DAB1: variants seen among roughly 807,000 people sequenced by gnomAD.
The protein encoded by DAB1 is disabled homolog 1.
DAB1 carries 15 observed loss-of-function variants against 64.6 expected under a neutral mutation model. The observed-to-expected ratio is 0.23, with a 90% CI of 0.16 to 0.36. The LOEUF (loss-of-function observed/expected upper bound fraction) is 0.36. DAB1 is among the 10% of genes least tolerant of loss of function. DAB1 has a pLI of 1.00. For missense variants in DAB1, 596 were observed against 706.7 expected, an observed-to-expected ratio of 0.84 and a Z score of 1.78; for synonymous variants, 235 against 251.9, an observed-to-expected ratio of 0.93 and a Z score of 0.64.
At chr1:57,459,609 A>G (rs1166141970) in intron 7 of DAB1, among the ~76,000 whole-genome samples, 2 of 152,190 alleles carry the variant, frequency 1.3e-5, no homozygotes, top group African/African-American at 4.8e-5. Context: ...TTGGACATTA[A>G]ACTAGAAGAG....
At chr1:57,461,284 A>G (rs1303340086) in intron 7 of DAB1, among the ~76,000 whole-genome samples, 2 of 152,192 alleles carry the variant, frequency 1.3e-5, no homozygotes, top group Non-Finnish European at 2.9e-5. Context: ...TCCCTCTTCC[A>G]TCACTTCAGA....
At chr1:57,154,240 A>G (rs112237925) in intron 2 of DAB1, among the ~76,000 whole-genome samples, 5 of 152,156 alleles carry the variant, frequency 3.3e-5, no homozygotes, top group African/African-American at 1.2e-4. Context: ...CAGCTCTATG[A>G]ATTCAATTGT....
At chr1:58,117,242 T>A (rs928004532) in intron 5 of DAB1, among the ~76,000 whole-genome samples, 2 of 152,212 alleles carry the variant, frequency 1.3e-5, no homozygotes, top group Non-Finnish European at 2.9e-5. Context: ...TTGCCTGTAC[T>A]AGTAAGTTAC....
intron 5 of DAB1, among the ~76,000 whole-genome samples, chr1:57,982,640 C>G (rs923337561): frequency 2.0e-5 from 3 of 152,190 alleles, no homozygotes; most frequent in African/African-American, 7.2e-5. Flanking sequence ...GAGGAAGAAG[C>G]ATGCACCTCA....
intron 3 of DAB1, among the ~76,000 whole-genome samples, chr1:58,444,719 G>A (rs746067766): frequency 8.5e-5 from 13 of 152,126 alleles, no homozygotes; most frequent in Admixed American, 2.6e-4. Flanking sequence ...CAAAGGTTCT[G>A]GGCACAGAAA....
chr1:57,799,301 T>C (rs1462315749), intron 6 of DAB1, among the ~76,000 whole-genome samples: 1 of 152,192 alleles, frequency 6.6e-6, no homozygotes, highest in Non-Finnish European at 1.5e-5. Flanking sequence ...ACAGAAAAGC[T>C]GGGCTGCTGT....
upstream of DAB1, among the ~76,000 whole-genome samples, chr1:57,886,947 A>G (rs1383768351): frequency 1.3e-5 from 2 of 152,206 alleles, no homozygotes; most frequent in Non-Finnish European, 2.9e-5. Context: ...TAAGTTTGGA[A>G]AATGTCAGCT....
intron 4 of DAB1, among the ~76,000 whole-genome samples, chr1:58,265,282 G>C (rs1209872265): frequency 6.6e-6 from 1 of 152,196 alleles, no homozygotes; most frequent in East Asian, 1.9e-4. Context: ...TTCAATCCCA[G>C]ATTGGTCTAA....
At chr1:57,128,226 A>C (rs1352428522) in intron 4 of DAB1, among the ~76,000 whole-genome samples, 1 of 151,900 alleles carries the variant, frequency 6.6e-6, no homozygotes, top group Non-Finnish European at 1.5e-5. Flanking sequence ...ATTTATCTTG[A>C]AAGTTCATAT....
chr1:57,061,248 A>G (rs1411725781), intron 9 of DAB1, among the ~76,000 whole-genome samples: 1 of 148,868 alleles, frequency 6.7e-6, no homozygotes, highest in Non-Finnish European at 1.5e-5. Flanking sequence ...GGGTGGTTTC[A>G]AGATCCTGGA....
At chr1:58,003,894 A>G (rs1438750816) in intron 5 of DAB1, among the ~76,000 whole-genome samples, 1 of 152,192 alleles carries the variant, frequency 6.6e-6, no homozygotes, top group Admixed American at 6.6e-5. Context: ...CTTTTATGCC[A>G]GCCTTTGCCT....
At chr1:57,566,534 T>C (rs914544379) in intron 7 of DAB1, among the ~76,000 whole-genome samples, 3 of 151,600 alleles carry the variant, frequency 2.0e-5, no homozygotes, top group Non-Finnish European at 2.9e-5. Context: ...GCTAGCAAGA[T>C]TAATAAAGAA....
chr1:58,171,396 G>A (rs537538497), intron 4 of DAB1, among the ~76,000 whole-genome samples: 2 of 152,348 alleles, frequency 1.3e-5, no homozygotes, highest in Admixed American at 1.3e-4. Flanking sequence ...AAATGCAGCA[G>A]TCCCTGCAAC....
At chr1:57,117,221 CT>C (rs1415881142) in intron 4 of DAB1, among the ~76,000 whole-genome samples, 2 of 152,170 alleles carry the variant, frequency 1.3e-5, no homozygotes, top group Non-Finnish European at 2.9e-5. Flanking sequence ...TAAAAAAGCG[CT>C]TTTCAATTGG....
chr1:58,331,895 C>T (rs1258633620), intron 4 of DAB1, among the ~76,000 whole-genome samples: 4 of 152,128 alleles, frequency 2.6e-5, no homozygotes, highest in Non-Finnish European at 5.9e-5. Context: ...TGTATCTACT[C>T]AATAAATGTT....
intron 4 of DAB1, among the ~76,000 whole-genome samples, chr1:58,308,389 G>T (rs114460452): frequency 6.6e-6 from 1 of 151,990 alleles, no homozygotes; most frequent in East Asian, 1.9e-4. Flanking sequence ...GGGTTGGGGG[G>T]AGTGATGTGG....
intron 5 of DAB1, among the ~76,000 whole-genome samples, chr1:58,015,888 C>A (rs1646731201): frequency 6.6e-6 from 1 of 152,092 alleles, no homozygotes; most frequent in Admixed American, 6.6e-5. Context: ...GGAGGTTCTG[C>A]AAGGAGGACA....
intron 4 of DAB1, among the ~76,000 whole-genome samples, chr1:57,085,436 G>A (rs567592323): frequency 8.5e-4 from 130 of 152,266 alleles, no homozygotes; most frequent in African/African-American, 2.8e-3. Context: ...AATACTGCCC[G>A]CTACTGGCCC....
At chr1:57,898,870 G>A (rs1003601987) in intron 5 of DAB1, among the ~76,000 whole-genome samples, 3 of 152,172 alleles carry the variant, frequency 2.0e-5, no homozygotes, top group Non-Finnish European at 4.4e-5. Flanking sequence ...GCGTGTGTGC[G>A]TGCGTGTATG....
Sources: gnomAD v4.1 joint callset for allele counts (sites outside exome capture counted in the v4.1 genomes callset) on GRCh38, gnomAD v4.1.1 for gene constraint, MANE v1.5 for transcripts, NCBI Gene and HGNC (gene_info 2026-07-23, HGNC 2026-07-21) for gene names.